The following RNF168 variants were observed in gnomAD, a reference collection of about 807,000 sequenced individuals.
The protein encoded by RNF168 is E3 ubiquitin-protein ligase RNF168.
RNF168 carries 34 observed loss-of-function variants against 34.9 expected under a neutral mutation model. The observed-to-expected ratio is 0.97, with a 90% CI of 0.74 to 1.30. RNF168 has a LOEUF of 1.30. Among genes scored for constraint, RNF168 ranks in the 50% most tolerant of loss-of-function variants. The pLI, the probability that RNF168 is intolerant of heterozygous loss-of-function variation, is 0.00. For missense variants in RNF168, 725 were observed against 682.5 expected (o/e 1.06, Z -0.69); for synonymous variants, 264 against 254.7 (o/e 1.04, Z -0.35).
Position 196,475,237 on chromosome 3 carries a change from TAC to T in RNF168, c.754_755del (p.Val252IlefsTer2), listed in dbSNP as rs1491420111. The T allele has an allele frequency of 6.3e-7, 1 of 1,581,556 alleles. No individual in the cohort carries two copies. Among genetic ancestry groups the T allele is most frequent in the Non-Finnish European group, 8.7e-7 (1 of 1,150,302 alleles). The part of the protein sequence containing the change: ...EAVQEVRKDS[V>X]SKDIDSSDRK... Reference sequence around the variant, plus strand: ...ATCTTCAGTATCAACATACCTTAGATACGGAGTCTTTCCTGACTTCTTGTACA... The same window carrying T: ...ATCTTCAGTATCAACATACCTTAGATGGAGTCTTTCCTGACTTCTTGTACA... On this transcript the variant is annotated frameshift_variant, in exon 5 of 6. Coordinates refer to ENST00000318037, the MANE Select transcript of RNF168 (RefSeq NM_152617.4). LOFTEE classifies it low-confidence loss of function (END_TRUNC).
intron 3 of RNF168, among the ~76,000 whole-genome samples, chr3:196,484,458 G>A (rs1019151832): frequency 4.1e-5 from 6 of 147,818 alleles, no homozygotes; most frequent in Non-Finnish European, 5.9e-5. Flanking sequence ...ACAGGCATGA[G>A]GCACCGCGCC....
At chr3:196,494,867 A>T (rs1019105029) in intron 1 of RNF168, among the ~76,000 whole-genome samples, 2 of 151,914 alleles carry the variant, frequency 1.3e-5, no homozygotes, top group Admixed American at 6.6e-5. Context: ...TACAAAAAAT[A>T]AAAAAATTAG....
At chr3:196,480,064 T>C (rs1347118469) in intron 4 of RNF168, among the ~76,000 whole-genome samples, 1 of 84,624 alleles carries the variant, frequency 1.2e-5, no homozygotes, top group Non-Finnish European at 2.5e-5. Flanking sequence ...TTTGTAAATA[T>C]TCCGTCTTCA....
At chr3:196,474,138 T>C (rs1274798347) in intron 5 of RNF168, among the ~76,000 whole-genome samples, 2 of 150,492 alleles carry the variant, frequency 1.3e-5, no homozygotes, top group African/African-American at 4.9e-5. Context: ...TTTTTTTTTT[T>C]TTTTTTTGAG....
chr3:196,500,765 G>T (rs1179947354), intron 1 of RNF168, among the ~76,000 whole-genome samples: 1 of 151,794 alleles, frequency 6.6e-6, no homozygotes, highest in Admixed American at 6.6e-5. Context: ...AGGCTGGAGT[G>T]CGGTGGCGTG....
intron 1 of RNF168, among the ~76,000 whole-genome samples, chr3:196,497,992 A>G (rs1220139786): frequency 6.6e-6 from 1 of 152,214 alleles, no homozygotes; most frequent in African/African-American, 2.4e-5. Flanking sequence ...GTTACCTGGA[A>G]ATTGAAATTA....
At chr3:196,475,552 C>CT (rs771089639) in intron 4 of RNF168, among the ~76,000 whole-genome samples, 19,900 of 133,282 alleles carry the variant, frequency 0.15, 2,532 homozygotes, top group African/African-American at 0.33. Context: ...AATATTTTTT[C>CT]TTTTTTTTTT....
chr3:196,481,247 G>A (rs1732279245), intron 4 of RNF168, among the ~76,000 whole-genome samples: 1 of 152,154 alleles, frequency 6.6e-6, no homozygotes, highest in Non-Finnish European at 1.5e-5. Context: ...CAGGTGGAGA[G>A]TAGCAGGCCA....
At chr3:196,494,086 C>T (rs1397731050) in intron 1 of RNF168, among the ~76,000 whole-genome samples, 5 of 129,340 alleles carry the variant, frequency 3.9e-5, no homozygotes, top group South Asian at 2.3e-4. Context: ...CAGGCTCAAG[C>T]GATTTGCCTG....
At chr3:196,489,963 G>A (rs1370158250) in intron 1 of RNF168, among the ~76,000 whole-genome samples, 1 of 152,200 alleles carries the variant, frequency 6.6e-6, no homozygotes, top group Admixed American at 6.5e-5. Flanking sequence ...AATGTAATAG[G>A]TGGTGACCCA....
At chr3:196,496,821 T>C (rs568822088) in intron 1 of RNF168, among the ~76,000 whole-genome samples, 2 of 152,158 alleles carry the variant, frequency 1.3e-5, no homozygotes, top group East Asian at 1.9e-4. Context: ...CTGGGCAGCA[T>C]AGCAAAACCC....
At chr3:196,483,241 T>C (rs1362559213) in intron 4 of RNF168, among the ~76,000 whole-genome samples, 1 of 152,190 alleles carries the variant, frequency 6.6e-6, no homozygotes, top group Non-Finnish European at 1.5e-5. Flanking sequence ...GAAGTCCTTA[T>C]GTATTTTTCA....
intron 4 of RNF168, among the ~76,000 whole-genome samples, chr3:196,479,639 G>A (rs1732240743): frequency 6.6e-6 from 1 of 151,676 alleles, no homozygotes; most frequent in East Asian, 1.9e-4. Flanking sequence ...CGCCCAGGCT[G>A]GAGTGCAGTG....
At chr3:196,492,049 A>C (rs1418688198) in intron 1 of RNF168, among the ~76,000 whole-genome samples, 1 of 152,228 alleles carries the variant, frequency 6.6e-6, no homozygotes, top group Non-Finnish European at 1.5e-5. Flanking sequence ...AAGTTCAGAG[A>C]TGAATGGTGG....
Position 196,470,558 on chromosome 3 carries a change from G to A in RNF168, c.*1261C>T, listed in dbSNP as rs530302163. The stretch of plus-strand genomic sequence containing the variant: ...CTCAGCCTCATCCTCATCTGGACCC[G>A]TTTCTGACCAACCACCCAATCAGTT... On this transcript the variant is annotated 3_prime_UTR_variant, in exon 6 of 6. Transcript: ENST00000318037. The A allele has an allele frequency of 2.7e-5, 4 of 147,098 alleles. No homozygotes were observed. Among genetic ancestry groups the A allele is most frequent in the South Asian group, 4.3e-4 (2 of 4,664 alleles). The allele number at this position is 147,098 out of a possible 1,614,324, so 9.1% of individuals were successfully genotyped here. A position where few individuals can be genotyped will look rare whatever the true frequency, so the allele number is the denominator to read the frequency against.
intron 1 of RNF168, among the ~76,000 whole-genome samples, chr3:196,499,960 C>T (rs1028965073): frequency 1.3e-5 from 2 of 152,190 alleles, no homozygotes; most frequent in Admixed American, 6.5e-5. Flanking sequence ...TGGGATACCA[C>T]CTCATACTCA....
chr3:196,478,777 C>T (rs1245684857), intron 4 of RNF168, among the ~76,000 whole-genome samples: 1 of 150,796 alleles, frequency 6.6e-6, no homozygotes, highest in Non-Finnish European at 1.5e-5. Flanking sequence ...AGCAACTCTC[C>T]TGCCTCAGCC....
intron 1 of RNF168, among the ~76,000 whole-genome samples, chr3:196,502,583 G>A (rs538376670): frequency 2.6e-4 from 38 of 147,796 alleles, no homozygotes; most frequent in African/African-American, 9.4e-4. Flanking sequence ...GCGAGATCCT[G>A]TCTCAAAAAA....
At position 196,480,259 on chromosome 3, in the gene RNF168, A is replaced by G. The variant is rs552707103; in HGVS notation, c.680+3511T>C. 1.0e-3 allele frequency among the ~76,000 whole-genome samples: 157 copies of G among 152,344 alleles called. 1 individual carries two copies. Among genetic ancestry groups the G allele is most frequent in the African/African-American group, 3.5e-3 (145 of 41,588 alleles). On this transcript the variant is annotated intron_variant, in intron 4 of 5. Transcript: ENST00000318037. ...TAAAAACAAAACAAAAAAATGTGTT[A>G]TTCTTCTAAAAAGTTTAAAAATCTG... is the stretch of plus-strand genomic sequence containing the variant.
Sources: gnomAD v4.1 joint callset for allele counts (sites outside exome capture counted in the v4.1 genomes callset) on GRCh38, gnomAD v4.1.1 for gene constraint, MANE v1.5 for transcripts, NCBI Gene and HGNC (gene_info 2026-07-23, HGNC 2026-07-21) for gene names.